The following DACH1 variants were observed in gnomAD, a reference collection of about 807,000 sequenced individuals.
DACH1 encodes dachshund family transcription factor 1.
In DACH1, 12 loss-of-function variants were observed where a neutral mutation model predicts 54.2. That is an observed-to-expected ratio of 0.22 (90% confidence interval 0.14 to 0.36). DACH1 has a LOEUF of 0.36. Ranked by LOEUF, DACH1 falls within the 10% of genes least tolerant of loss-of-function variation. DACH1 has a pLI of 1.00. For missense variants in DACH1, 805 were observed against 929.8 expected, an observed-to-expected ratio of 0.87 and a Z score of 1.75; for synonymous variants, 386 against 366.2, an observed-to-expected ratio of 1.05 and a Z score of -0.62.
rs192524769 is a variant in DACH1 at position 71,784,962 on chromosome 13, C to T, written c.848+80960G>A. On this transcript the variant is annotated intron_variant, in intron 1 of 10. Coordinates refer to ENST00000613252, the MANE Select transcript of DACH1 (RefSeq NM_080759.6). ...TAAATAGTAATGATCACTAGAAAAG[C>T]GATGATCACTAGAAAAATTTCTCTA... 2.8e-4 allele frequency among the ~76,000 whole-genome samples: 43 copies of T among 152,066 alleles called. No individual in the cohort carries two copies. In the East Asian group the frequency reaches 6.8e-3, roughly 24 times the overall value.
chr13:71,477,038 TTA>T (rs1465360152), intron 8 of DACH1, among the ~76,000 whole-genome samples: 1 of 147,448 alleles, frequency 6.8e-6, no homozygotes, highest in East Asian at 2.0e-4. Flanking sequence ...CTCAAGTATT[TTA>T]GTTTTAATTT....
intron 1 of DACH1, among the ~76,000 whole-genome samples, chr13:71,706,561 G>A (rs2138765763): frequency 6.6e-6 from 1 of 152,102 alleles, no homozygotes; most frequent in East Asian, 1.9e-4. Context: ...TCAAGCACTG[G>A]CTTGATACAA....
At chr13:71,691,486 T>TA (rs955824069) in intron 1 of DACH1, among the ~76,000 whole-genome samples, 2 of 152,250 alleles carry the variant, frequency 1.3e-5, no homozygotes, top group African/African-American at 4.8e-5. Context: ...ACTTACCTAA[T>TA]ATCACACATA....
rs150350388 is a variant in DACH1, at chr13:71,485,242, A to G, written c.1722+3755T>C. Among the ~76,000 whole-genome samples, 712 of 151,714 alleles carry G rather than the reference A, an allele frequency of 4.7e-3. 7 individuals are homozygous for G. Among genetic ancestry groups the G allele is most frequent in the African/African-American group, 0.016 (652 of 41,440 alleles). ...AAGAGGAAGCCATAATGAAAGATAG[A>G]CCACAATGAAAAAAAAATGCCATAT... On this transcript the variant is annotated intron_variant, in intron 7 of 10. Transcript: ENST00000613252.
intron 3 of DACH1, among the ~76,000 whole-genome samples, chr13:71,625,395 T>C (rs545241103): frequency 1.6e-3 from 238 of 152,052 alleles, no homozygotes; most frequent in African/African-American, 5.5e-3. Flanking sequence ...TCCTTCCAAA[T>C]AGACACATGT....
intron 1 of DACH1, among the ~76,000 whole-genome samples, chr13:71,761,291 T>C (rs1885389860): frequency 6.6e-6 from 1 of 152,172 alleles, no homozygotes; most frequent in Admixed American, 6.6e-5. Context: ...CACTTTGTAA[T>C]TCACTCTATA....
chr13:71,748,082 T>A (rs1884682266), intron 1 of DACH1, among the ~76,000 whole-genome samples: 1 of 151,910 alleles, frequency 6.6e-6, no homozygotes, highest in Admixed American at 6.6e-5. Flanking sequence ...CCATCCAAAG[T>A]AACCTTCAAA....
intron 2 of DACH1, chr13:71,675,178 C>T (rs537152571): frequency 3.2e-6 from 5 of 1,585,854 alleles, no homozygotes; most frequent in East Asian, 2.2e-5. Flanking sequence ...GGTGAAGAAA[C>T]CTCATCGTAA....
At chr13:71,704,271 A>G in intron 1 of DACH1, 1 of 267,312 alleles carries the variant, frequency 3.7e-6, no homozygotes, top group Non-Finnish European at 7.4e-6. Flanking sequence ...GGCCACGAAT[A>G]TGCAAATCTG....
intron 3 of DACH1, among the ~76,000 whole-genome samples, chr13:71,613,133 C>A (rs889186594): frequency 1.3e-5 from 2 of 152,046 alleles, no homozygotes; most frequent in Middle Eastern, 3.2e-3. Context: ...TTTTAGCATT[C>A]GAGGAAAGAC....
At chr13:71,442,498 T>A (rs536407549) in intron 10 of DACH1, among the ~76,000 whole-genome samples, 26 of 152,070 alleles carry the variant, frequency 1.7e-4, no homozygotes, top group Non-Finnish European at 3.8e-4. Flanking sequence ...CAATAAAACA[T>A]CTTAATAAAC....
At chr13:71,504,606 T>C (rs1593800589) in intron 6 of DACH1, among the ~76,000 whole-genome samples, 1 of 152,070 alleles carries the variant, frequency 6.6e-6, no homozygotes, top group Non-Finnish European at 1.5e-5. Context: ...TTGAGTGAAG[T>C]CTTGCAGACC....
At chr13:71,824,309 A>G (rs1438969265) in intron 1 of DACH1, among the ~76,000 whole-genome samples, 1 of 151,966 alleles carries the variant, frequency 6.6e-6, no homozygotes, top group Admixed American at 6.6e-5. Flanking sequence ...AGTACTCAGA[A>G]AATGAAAAAA....
chr13:71,576,368 G>A (rs1885525657), intron 3 of DACH1, among the ~76,000 whole-genome samples: 1 of 152,128 alleles, frequency 6.6e-6, no homozygotes, highest in Non-Finnish European at 1.5e-5. Context: ...AATATGTAAG[G>A]AGTAGGTGTG....
At chr13:71,560,059 G>T (rs925946553) in intron 4 of DACH1, 104 bp from the exon 5 acceptor site, 2 of 1,251,216 alleles carry the variant, frequency 1.6e-6, no homozygotes, top group Middle Eastern at 2.7e-4. Flanking sequence ...AATGTAAAGA[G>T]AATAAACACT....
chr13:71,852,644 A>G (rs1267008730), intron 1 of DACH1, among the ~76,000 whole-genome samples: 1 of 152,164 alleles, frequency 6.6e-6, no homozygotes, highest in Non-Finnish European at 1.5e-5. Flanking sequence ...AATGACCAAG[A>G]GATTATTTTT....
intron 1 of DACH1, among the ~76,000 whole-genome samples, chr13:71,756,847 T>C (rs193017393): frequency 4.6e-5 from 7 of 152,282 alleles, no homozygotes; most frequent in Admixed American, 3.3e-4. Context: ...TCAAGCAGAA[T>C]TGAATATCTG....
chr13:71,618,797 A>G (rs1875978339), intron 3 of DACH1, among the ~76,000 whole-genome samples: 1 of 151,930 alleles, frequency 6.6e-6, no homozygotes, highest in Non-Finnish European at 1.5e-5. Context: ...AAAATAATAA[A>G]TGCTTTATTG....
At chr13:71,485,244 C>T (rs1341425309) in intron 7 of DACH1, among the ~76,000 whole-genome samples, 1 of 150,420 alleles carries the variant, frequency 6.6e-6, no homozygotes, top group African/African-American at 2.4e-5. Flanking sequence ...AAAGATAGAC[C>T]ACAATGAAAA....
Sources: allele counts gnomAD v4.1 joint callset (sites outside exome capture counted in the v4.1 genomes callset), GRCh38; gene constraint gnomAD v4.1.1; transcripts MANE v1.5; gene names NCBI Gene and HGNC (gene_info 2026-07-23, HGNC 2026-07-21).